Variants in RAB9B observed in about 807,000 individuals in gnomAD.
RAB9B encodes the protein ras-related protein Rab-9B.
Under a neutral mutation model 8.9 loss-of-function variants are expected in RAB9B, and 1 was observed. The ratio of observed to expected loss-of-function variants is 0.11; its 90% confidence interval spans 0.04 to 0.53. RAB9B has a LOEUF of 0.53. Ranked by LOEUF, RAB9B falls within the 20% of genes least tolerant of loss-of-function variation. The probability of loss-of-function intolerance (pLI) is 0.93; values close to 1 mark genes in which losing one functional copy is unlikely to be tolerated. For missense variants in RAB9B, 82 were observed against 152.9 expected (o/e 0.54, Z 2.45); for synonymous variants, 63 against 57.0 (o/e 1.10, Z -0.47).
At chrX:103,806,275 G>A in the RAB9B span, among the ~76,000 whole-genome samples, 1 of 110,750 alleles carries the variant, frequency 9.0e-6, no homozygotes, top group African/African-American at 3.3e-5. Flanking sequence ...TCCTGTATCC[G>A]GTAAGTTTAG....
At position 103,823,731 on chromosome X, in the gene RAB9B, G is replaced by C. The variant is rs894554408; in HGVS notation, c.*1448C>G. 1.8e-5 allele frequency: 2 copies of C among 112,068 alleles called. No homozygotes were observed. The highest frequency in any genetic ancestry group is 3.8e-5 in the Non-Finnish European group (2 of 53,215). 9.2% of individuals were successfully genotyped at this position (112,068 alleles called of 1,213,427 possible). A position where few individuals can be genotyped will look rare whatever the true frequency, so the allele number is the denominator to read the frequency against. ...TCAAACCATTTTTATATTTTAACAT[G>C]GGAGCTTTAAGATGTTTTTTATCAG... On this transcript the variant is annotated 3_prime_UTR_variant, in exon 3 of 3. Coordinates refer to ENST00000243298, the MANE Select transcript of RAB9B (RefSeq NM_016370.4).
At chrX:103,808,757 G>A in the RAB9B span, among the ~76,000 whole-genome samples, 1 of 112,726 alleles carries the variant, frequency 8.9e-6, no homozygotes, top group Non-Finnish European at 1.9e-5. Context: ...AGGGCAAGAG[G>A]GTCAGTAAGA....
chrX:103,796,515 C>A, the RAB9B span, among the ~76,000 whole-genome samples: 1 of 110,795 alleles, frequency 9.0e-6, no homozygotes, highest in Non-Finnish European at 1.9e-5. Context: ...TTGGCCCGGA[C>A]TGTAAGCAGC....
At chrX:103,780,479 A>G in the RAB9B span, among the ~76,000 whole-genome samples, 4 of 94,836 alleles carry the variant, frequency 4.2e-5, no homozygotes, top group East Asian at 9.1e-4. Context: ...GCGCGTCTGA[A>G]GAGGAGTGGG....
At chrX:103,788,658 C>A in the RAB9B span, 1 of 563,296 alleles carries the variant, frequency 1.8e-6, no homozygotes, top group Non-Finnish European at 3.2e-6. Flanking sequence ...GCTAAGTGTG[C>A]CTGAGCCAAT....
At chrX:103,780,323 C>T in the RAB9B span, 1 of 112,262 alleles carries the variant, frequency 8.9e-6, no homozygotes, top group Non-Finnish European at 1.9e-5. Flanking sequence ...TCTTCCCATT[C>T]GTGGGCAAGG....
chrX:103,811,173 C>T, the RAB9B span, among the ~76,000 whole-genome samples: 19 of 111,863 alleles, frequency 1.7e-4, no homozygotes, highest in Non-Finnish European at 3.4e-4. Context: ...AGCATTGACT[C>T]TGTGGCAGGC....
At chrX:103,818,936 C>CT (rs770654859), downstream of RAB9B, among the ~76,000 whole-genome samples, 1 of 110,922 alleles carries the variant, frequency 9.0e-6, no homozygotes, top group Non-Finnish European at 1.9e-5. Flanking sequence ...ATCGGTCACT[C>CT]TAAGTTTTCT....
the RAB9B span, among the ~76,000 whole-genome samples, chrX:103,817,021 G>T: frequency 8.9e-6 from 1 of 112,341 alleles, no homozygotes; most frequent in South Asian, 3.7e-4. Context: ...AGATGGTGTG[G>T]CAATTCCTCA....
the RAB9B span, among the ~76,000 whole-genome samples, chrX:103,813,745 C>CAAAAAAAAA: frequency 4.6e-3 from 39 of 8,541 alleles, 13 homozygotes; most frequent in Non-Finnish European, 6.1e-3. Context: ...AAATGGAAAG[C>CAAAAAAAAA]AAAAAAAAAA....
chrX:103,797,616 G>A, the RAB9B span, among the ~76,000 whole-genome samples: 35 of 112,112 alleles, frequency 3.1e-4, no homozygotes, highest in Non-Finnish European at 6.2e-4. Context: ...GGTCAAGGCA[G>A]ATGATCTCAG....
At chrX:103,825,921 T>C (rs1339692577) in intron 2 of RAB9B, 95 bp from the exon 3 acceptor site, 1 of 631,224 alleles carries the variant, frequency 1.6e-6, no homozygotes, top group Admixed American at 3.5e-5. Flanking sequence ...GGCCTTCTCA[T>C]TCAACTTCTC....
the RAB9B span, among the ~76,000 whole-genome samples, chrX:103,816,767 T>C: frequency 3.6e-5 from 4 of 111,769 alleles, no homozygotes; most frequent in South Asian, 1.5e-3. Flanking sequence ...AAAAAGTGGG[T>C]GAAGGATATG....
chrX:103,827,971 A>G lies in RAB9B; in HGVS notation c.-116-893T>C, dbSNP rs142422606. Among the ~76,000 whole-genome samples the G allele has an allele frequency of 4.8e-3, 535 of 112,365 alleles. 1 individual carries two copies. The highest frequency in any genetic ancestry group is 7.1e-3 in the Non-Finnish European group (379 of 53,309). Reference sequence around the variant, plus strand: ...CGTGAGCCGCTGTACCTGGCAGTTCATCTGTCTTAAACACCAGTTTTAATA... The same window carrying G: ...CGTGAGCCGCTGTACCTGGCAGTTCGTCTGTCTTAAACACCAGTTTTAATA... On this transcript the variant is annotated intron_variant, in intron 1 of 2. Transcript: ENST00000243298.
At chrX:103,812,554 C>T in the RAB9B span, among the ~76,000 whole-genome samples, 5 of 111,885 alleles carry the variant, frequency 4.5e-5, no homozygotes, top group African/African-American at 9.7e-5. Context: ...GGGTCACTAA[C>T]GAAAACCAAC....
At chrX:103,785,956 G>A in the RAB9B span, 1 of 699,600 alleles carries the variant, frequency 1.4e-6, no homozygotes. Context: ...GGAGGGGTCT[G>A]CCTGCCTGCC....
At chrX:103,813,623 C>A in the RAB9B span, among the ~76,000 whole-genome samples, 24,436 of 106,262 alleles carry the variant, frequency 0.23, 2,386 homozygotes, top group Admixed American at 0.31. Context: ...CGACGACTGG[C>A]AAATTGGATA....
chrX:103,781,179 A>G, the RAB9B span: 1 of 243,622 alleles, frequency 4.1e-6, no homozygotes, highest in Non-Finnish European at 8.1e-6. Flanking sequence ...CTGAATTTCC[A>G]TCATGGAGCT....
the RAB9B span, among the ~76,000 whole-genome samples, chrX:103,803,896 C>T: frequency 3.5e-5 from 4 of 112,704 alleles, no homozygotes; most frequent in African/African-American, 6.4e-5. Context: ...ATTTTAGCTA[C>T]CAGTTCCTTG....
Sources: gnomAD v4.1 joint callset for allele counts (sites outside exome capture counted in the v4.1 genomes callset) on GRCh38, gnomAD v4.1.1 for gene constraint, MANE v1.5 for transcripts, NCBI Gene and HGNC (gene_info 2026-07-23, HGNC 2026-07-21) for gene names.